Variants in PCNX2 observed in about 807,000 individuals in gnomAD.
PCNX2 encodes the protein pecanex 2, also known as pecanex-like protein 2.
In PCNX2, 168 loss-of-function variants were observed where a neutral mutation model predicts 223.8. The observed-to-expected ratio is 0.75, with a 90% CI of 0.66 to 0.85. The LOEUF (loss-of-function observed/expected upper bound fraction) is 0.85, where lower values mean the gene tolerates loss of function less well. PCNX2 is among the 40% of genes least tolerant of loss of function. PCNX2 has a pLI of 0.00. For missense variants in PCNX2, 2,507 were observed against 2,675.5 expected (o/e 0.94, Z 1.39); for synonymous variants, 1,006 against 1,052.6 (o/e 0.96, Z 0.86).
chr1:233,086,283 A>C (rs1395377400), intron 23 of PCNX2, among the ~76,000 whole-genome samples: 1 of 152,204 alleles, frequency 6.6e-6, no homozygotes, highest in African/African-American at 2.4e-5. Flanking sequence ...AGAAGGGTCT[A>C]TATCTGTGCT....
chr1:233,274,070 AT>A (rs899223917), intron 1 of PCNX2, among the ~76,000 whole-genome samples: 28 of 152,342 alleles, frequency 1.8e-4, no homozygotes, highest in African/African-American at 6.7e-4. Context: ...TCCCAACAAA[AT>A]TTGTCAATGC....
chr1:233,230,551 C>T (rs1227114834), intron 9 of PCNX2, among the ~76,000 whole-genome samples: 1 of 152,202 alleles, frequency 6.6e-6, no homozygotes, highest in Non-Finnish European at 1.5e-5. Flanking sequence ...TCATTAAATG[C>T]CACTGCAGAA....
chr1:233,056,591 G>A (rs547537418), intron 24 of PCNX2, among the ~76,000 whole-genome samples: 7 of 152,104 alleles, frequency 4.6e-5, no homozygotes, highest in Admixed American at 1.3e-4. Context: ...TTTTGATTTC[G>A]AATTAATCAT....
intron 26 of PCNX2, among the ~76,000 whole-genome samples, chr1:233,017,567 T>C (rs187076562): frequency 0.01 from 1,559 of 152,068 alleles, 24 homozygotes; most frequent in African/African-American, 0.036. Context: ...CCGCCCGCCT[T>C]GGCCTCCCAA....
rs571734123 is a variant in PCNX2 at position 232,990,370 on chromosome 1, G to C, written c.5792-3830C>G. On this transcript the variant is annotated intron_variant, in intron 32 of 33. Transcript: ENST00000258229. The surrounding 1 kb of genome is among the most constrained non-coding windows in gnomAD (Gnocchi z 4.3). ...GCTCCCGGTCGCAGTCAGTGCTAGA[G>C]AGCCTTCTGGATAGTTGAATCACAT... Among the ~76,000 whole-genome samples the C allele has an allele frequency of 9.2e-5, 14 of 152,324 alleles. No individual in the cohort carries two copies. The highest frequency in any genetic ancestry group is 2.6e-4 in the Admixed American group (4 of 15,314).
Position 233,229,198 on chromosome 1 carries a change from C to T in PCNX2, c.2359-1827G>A, listed in dbSNP as rs80053222. ...TTTACCATCTCTCCATTTCCAGATG[C>T]TAATCTGCTTACTCAGCCTATGGAA... is the stretch of plus-strand genomic sequence containing the variant. On this transcript the variant is annotated intron_variant, in intron 9 of 33. Transcript: ENST00000258229. 2.6e-5 allele frequency among the ~76,000 whole-genome samples: 4 copies of T among 152,310 alleles called. No individual in the cohort carries two copies. In the East Asian group the frequency reaches 7.7e-4, roughly 29 times the overall value.
intron 17 of PCNX2, among the ~76,000 whole-genome samples, chr1:233,165,351 T>G (rs1186888200): frequency 1.3e-5 from 2 of 152,132 alleles, no homozygotes; most frequent in Non-Finnish European, 1.5e-5. Context: ...ATTTTGGTTT[T>G]TACAATTTGA....
intron 21 of PCNX2, among the ~76,000 whole-genome samples, chr1:233,133,515 C>A (rs1457266342): frequency 6.6e-6 from 1 of 152,042 alleles, no homozygotes; most frequent in African/African-American, 2.4e-5. Context: ...GAAGATGACA[C>A]AAGAGGGACG....
At chr1:233,131,282 CA>C (rs1676489756) in intron 21 of PCNX2, among the ~76,000 whole-genome samples, 2 of 152,152 alleles carry the variant, frequency 1.3e-5, no homozygotes, top group South Asian at 4.1e-4. Flanking sequence ...TAACATTTCA[CA>C]TTGTGCAAGG....
At chr1:233,282,319 G>A (rs1486460866) in intron 1 of PCNX2, among the ~76,000 whole-genome samples, 2 of 152,172 alleles carry the variant, frequency 1.3e-5, no homozygotes, top group East Asian at 1.9e-4. Context: ...GTCCCTTGGC[G>A]GTAAATATCA....
At chr1:233,239,355 C>CA (rs150700601) in intron 8 of PCNX2, among the ~76,000 whole-genome samples, 12,526 of 152,122 alleles carry the variant, frequency 0.082, 1,335 homozygotes, top group African/African-American at 0.25. Context: ...AAACATGATA[C>CA]AAAGGAAGTG....
At chr1:232,984,699 G>A (rs561193112) in intron 33 of PCNX2, 17 of 500,708 alleles carry the variant, frequency 3.4e-5, no homozygotes, top group Admixed American at 1.9e-4. Context: ...GGCTCTGCAC[G>A]TGGGCCTTTC....
chr1:233,200,189 A>T lies in PCNX2; in HGVS notation c.2939T>A (p.Leu980Ter), dbSNP rs776737455. 1 of 1,594,992 alleles carries T rather than the reference A, an allele frequency of 6.3e-7. No individual in the cohort carries two copies. The highest frequency in any genetic ancestry group is 2.3e-5 in the East Asian group (1 of 44,352). The change falls in exon 14 of 34, where the codon TTG becomes TAG. Residue 980 changes from leucine to a stop codon, truncating the protein, a stop_gained. Coordinates refer to ENST00000258229, the MANE Select transcript of PCNX2 (RefSeq NM_014801.4). LOFTEE classifies it high-confidence loss of function. ...AAAAAACAGCATGTCAATTTGCTCC[A>T]AAAGATAAGTGCAGAAAGTGTTGAT... Reference protein sequence around the residue: ...PQINTFCTYLLEQIDMLFFGG... With the variant: ...PQINTFCTYL
chr1:233,188,326 G>T (rs1680222745), intron 15 of PCNX2, among the ~76,000 whole-genome samples: 1 of 152,132 alleles, frequency 6.6e-6, no homozygotes, highest in Non-Finnish European at 1.5e-5. Flanking sequence ...GCTCCTAGAG[G>T]CCTTTGCTCT....
intron 1 of PCNX2, among the ~76,000 whole-genome samples, chr1:233,282,205 C>T (rs1661228221): frequency 6.6e-6 from 1 of 152,140 alleles, no homozygotes; most frequent in Non-Finnish European, 1.5e-5. Flanking sequence ...TCCCTTGTCT[C>T]CCGACGCCTC....
chr1:233,027,236 A>G (rs904890072), intron 25 of PCNX2, among the ~76,000 whole-genome samples: 1 of 152,050 alleles, frequency 6.6e-6, no homozygotes, highest in African/African-American at 2.4e-5. Context: ...GGCAATATGG[A>G]GGTGTATGTT....
At position 233,227,276 on chromosome 1, in the gene PCNX2, C is replaced by A; in HGVS notation, c.2454G>T (p.Lys818Asn). Residue 818 changes from lysine (K) to asparagine (N), a missense_variant, in exon 10 of 34, where the codon AAG becomes AAT. Lys to Asn is a moderately conservative substitution (Grantham distance 94, BLOSUM62 0). This residue lies in a region of PCNX2 where 1,031 missense variants were observed against 1,021.7 expected (regional missense o/e 1.01). Transcript: ENST00000258229. ...GTCGATCATACCAGACTTTAATCCA[C>A]TTGCCAGGGAAAATGATAAATTTGT... ...QFYKFIIFPG[K>N]WIKVWYDRLT... The A allele has an allele frequency of 6.2e-7, 1 of 1,613,454 alleles. No individual in the cohort carries two copies. Among genetic ancestry groups the A allele is most frequent in the South Asian group, 1.1e-5 (1 of 91,020 alleles).
At chr1:233,070,198 T>A (rs1672792403) in intron 23 of PCNX2, among the ~76,000 whole-genome samples, 1 of 152,138 alleles carries the variant, frequency 6.6e-6, no homozygotes, top group South Asian at 2.1e-4. Context: ...CTGTAACTAT[T>A]AACGCCATTT....
At chr1:233,266,057 C>A (rs1476138701) in intron 1 of PCNX2, among the ~76,000 whole-genome samples, 1 of 152,166 alleles carries the variant, frequency 6.6e-6, no homozygotes, top group Non-Finnish European at 1.5e-5. Flanking sequence ...TATAAAGGAC[C>A]ACTTGGCACT....
Sources: allele counts gnomAD v4.1 joint callset (sites outside exome capture counted in the v4.1 genomes callset), GRCh38; gene constraint gnomAD v4.1.1; regional missense constraint gnomAD v4.1.1; non-coding constraint Gnocchi (gnomAD v3.1); transcripts MANE v1.5; gene names NCBI Gene and HGNC (gene_info 2026-07-23, HGNC 2026-07-21).